The following LPP variants were observed in gnomAD, a reference collection of about 807,000 sequenced individuals.
LPP encodes the protein lipoma-preferred partner.
Under a neutral mutation model 60.4 loss-of-function variants are expected in LPP, and 38 were observed. That is an observed-to-expected ratio of 0.63 (90% CI 0.49 to 0.83). LPP has a LOEUF of 0.83. LPP is among the 40% of genes least tolerant of loss of function. The probability of loss-of-function intolerance (pLI) is 0.00; values close to 1 mark genes in which losing one functional copy is unlikely to be tolerated. For synonymous variants in LPP, 328 were observed against 290.8 expected (o/e 1.13, Z -1.30); for missense variants, 902 against 783.6 (o/e 1.15, Z -1.80).
chr3:188,812,330 A>G (rs1751230102), intron 9 of LPP, among the ~76,000 whole-genome samples: 1 of 152,160 alleles, frequency 6.6e-6, no homozygotes, highest in East Asian at 1.9e-4. Flanking sequence ...TGAATTCTTC[A>G]TGCAACCAAA....
intron 5 of LPP, among the ~76,000 whole-genome samples, chr3:188,489,433 T>C (rs1807655604): frequency 6.6e-6 from 1 of 152,092 alleles, no homozygotes; most frequent in African/African-American, 2.4e-5. Flanking sequence ...GGGACCTTAA[T>C]TTTCAGATAG....
chr3:188,375,438 G>A (rs1774730382), intron 3 of LPP, among the ~76,000 whole-genome samples: 1 of 152,268 alleles, frequency 6.6e-6, no homozygotes, highest in South Asian at 2.1e-4. Flanking sequence ...AGGCTTGGGA[G>A]GATGTATGTG....
At chr3:188,248,951 G>C (rs1728093977) in intron 2 of LPP, among the ~76,000 whole-genome samples, 1 of 152,130 alleles carries the variant, frequency 6.6e-6, no homozygotes, top group East Asian at 1.9e-4. Context: ...TAGTGAACTG[G>C]AATTTCAGAG....
chr3:188,799,976 C>T (rs114847810), intron 9 of LPP, among the ~76,000 whole-genome samples: 32 of 152,174 alleles, frequency 2.1e-4, no homozygotes, highest in Admixed American at 1.2e-3. Context: ...TATATACGTG[C>T]GTATGTATAC....
intron 8 of LPP, among the ~76,000 whole-genome samples, chr3:188,713,266 T>C (rs1712352209): frequency 6.6e-6 from 1 of 152,254 alleles, no homozygotes; most frequent in South Asian, 2.1e-4. Flanking sequence ...TGGGACATGC[T>C]TCAAGACACC....
intron 2 of LPP, among the ~76,000 whole-genome samples, chr3:188,263,037 A>C (rs544206846): frequency 6.6e-6 from 1 of 151,976 alleles, no homozygotes; most frequent in African/African-American, 2.4e-5. Context: ...TATTCAGTAC[A>C]TGTACAATGC....
rs58464588 is a variant in LPP at position 188,863,955 on chromosome 3, TAAA to T, written c.1411-2229_1411-2227del. The stretch of plus-strand genomic sequence containing the variant: ...TATTCAACTCCATTACAGGGCTGAC[TAAA>T]AAAAAAAAAAAAAAAGTAAAAACCC... On this transcript the variant is annotated intron_variant, in intron 9 of 11. Transcript: ENST00000617246. 1.0e-4 allele frequency among the ~76,000 whole-genome samples: 11 copies of T among 108,704 alleles called. No individual in the cohort carries two copies. In the East Asian group the frequency reaches 1.9e-3, roughly 18 times the overall value. The allele number at this position is 108,704 out of a possible 152,430, so 71.3% of individuals were successfully genotyped here. A position where few individuals can be genotyped will look rare whatever the true frequency, so the allele number is the denominator to read the frequency against.
At chr3:188,551,014 T>TA (rs984536221) in intron 6 of LPP, among the ~76,000 whole-genome samples, 13 of 152,164 alleles carry the variant, frequency 8.5e-5, no homozygotes, top group African/African-American at 3.1e-4. Context: ...AATTTTTATA[T>TA]AAAAAAGTAG....
rs533291869 is a variant in LPP, at chr3:188,416,693, G to A, written c.193+10380G>A. On this transcript the variant is annotated intron_variant, in intron 4 of 11. Transcript: ENST00000617246. ...AGTGCTTTCATTATAGACACCAATC[G>A]TTTGCATATGTTGTCCTGGGTCATT... Among the ~76,000 whole-genome samples, 39 of 152,196 alleles carry A rather than the reference G, an allele frequency of 2.6e-4. No homozygotes were observed. In the South Asian group the frequency reaches 4.6e-3, roughly 18 times the overall value.
chr3:188,596,924 C>T (rs570998839), intron 6 of LPP, among the ~76,000 whole-genome samples: 76 of 152,290 alleles, frequency 5.0e-4, no homozygotes, highest in Non-Finnish European at 9.4e-4. Flanking sequence ...TATGAAAATA[C>T]AGCAACCCAA....
intron 4 of LPP, among the ~76,000 whole-genome samples, chr3:188,465,934 G>A (rs891581178): frequency 6.6e-6 from 1 of 152,120 alleles, no homozygotes; most frequent in Non-Finnish European, 1.5e-5. Context: ...AAGTTCTCAC[G>A]TGTTTTTAAG....
intron 7 of LPP, among the ~76,000 whole-genome samples, chr3:188,666,931 G>A (rs922513628): frequency 6.6e-6 from 1 of 152,190 alleles, no homozygotes; most frequent in African/African-American, 2.4e-5. Context: ...CTATATAGTG[G>A]ATATATAATA....
intron 9 of LPP, among the ~76,000 whole-genome samples, chr3:188,827,325 A>G (rs1032740090): frequency 6.6e-6 from 1 of 152,194 alleles, no homozygotes; most frequent in Non-Finnish European, 1.5e-5. Context: ...CACATATTAG[A>G]CACATGATTG....
chr3:188,718,009 C>T (rs1263810504), intron 8 of LPP, among the ~76,000 whole-genome samples: 1 of 152,008 alleles, frequency 6.6e-6, no homozygotes, highest in African/African-American at 2.4e-5. Context: ...TTAGTAGAGA[C>T]GAGGTTTCTC....
intron 6 of LPP, among the ~76,000 whole-genome samples, chr3:188,602,089 T>TAC (rs1383351471): frequency 0.014 from 1,352 of 98,168 alleles, 26 homozygotes; most frequent in African/African-American, 0.045. Context: ...TATATATATA[T>TAC]ACACACACAT....
intron 6 of LPP, among the ~76,000 whole-genome samples, chr3:188,533,466 G>T (rs1202277621): frequency 6.6e-6 from 1 of 152,122 alleles, no homozygotes; most frequent in East Asian, 1.9e-4. Context: ...AATAGGTGTG[G>T]ATAGTGGCAT....
rs1255366266 is a variant in LPP at position 188,352,749 on chromosome 3, G to C, written c.-10+11030G>C. On this transcript the variant is annotated intron_variant, in intron 3 of 11. Transcript: ENST00000617246. This position sits in a 1 kb window ranked among gnomAD's most constrained non-coding sequence, Gnocchi z 4.4. ...CTGCCTGAGTGCGCACTTCAGTCCT[G>C]AAAGCTGCAGAGGGATGGGCTGGTG... Among the ~76,000 whole-genome samples, 1 of 152,188 alleles carries C rather than the reference G, an allele frequency of 6.6e-6. No individual in the cohort carries two copies. Among genetic ancestry groups the C allele is most frequent in the African/African-American group, 2.4e-5 (1 of 41,446 alleles).
At chr3:188,624,257 C>T (rs1580478787) in intron 7 of LPP, among the ~76,000 whole-genome samples, 1 of 152,072 alleles carries the variant, frequency 6.6e-6, no homozygotes, top group East Asian at 1.9e-4. Flanking sequence ...AATTATATCA[C>T]CGTTGAAGAG....
At chr3:188,767,300 C>G (rs997262090) in intron 9 of LPP, among the ~76,000 whole-genome samples, 3 of 152,090 alleles carry the variant, frequency 2.0e-5, no homozygotes, top group Non-Finnish European at 4.4e-5. Context: ...ATCAAGCAGT[C>G]TGAAGAACAT....
Sources: gnomAD v4.1 joint callset for allele counts (sites outside exome capture counted in the v4.1 genomes callset) on GRCh38, gnomAD v4.1.1 for gene constraint, Gnocchi (gnomAD v3.1) non-coding constraint, MANE v1.5 for transcripts, NCBI Gene and HGNC (gene_info 2026-07-23, HGNC 2026-07-21) for gene names.